Variants in RBM26 observed in about 807,000 individuals in gnomAD.
RBM26 encodes RNA binding motif protein 26.
Under a neutral mutation model 123.6 loss-of-function variants are expected in RBM26, and 30 were observed. The ratio of observed to expected loss-of-function variants is 0.24; its 90% CI spans 0.18 to 0.33. RBM26 has a LOEUF of 0.33. Among genes scored for constraint, RBM26 ranks in the 10% least tolerant of loss-of-function variants. The pLI is 1.00. For missense variants in RBM26, 947 were observed against 1,203.6 expected (o/e 0.79, Z 3.15); for synonymous variants, 400 against 404.4 (o/e 0.99, Z 0.13).
chr13:79,332,554 TA>T (rs1021143665), intron 20 of RBM26, among the ~76,000 whole-genome samples: 1 of 152,180 alleles, frequency 6.6e-6, no homozygotes, highest in Non-Finnish European at 1.5e-5. Context: ...CTTTTGTAAC[TA>T]AAAATCTAAA....
Position 79,368,806 on chromosome 13 carries a change from T to C in RBM26, c.819A>G (p.Glu273=), listed in dbSNP as rs2075592301. The change falls in exon 6 of 22, where the codon GAA becomes GAG. Residue 273 remains glutamate (E), a synonymous_variant. Coordinates refer to ENST00000438737, the MANE Select transcript of RBM26 (RefSeq NM_001366735.2). The part of the protein sequence containing the change: ...HGNNTTESWS[E]FHEDQVDHNS... ...TATGGTCCACTTGGTCTTCATGAAA[T>C]TCAGACCAACTTTCGGTAGTGTTGT... 2 of 1,613,990 alleles carry C rather than the reference T, an allele frequency of 1.2e-6. No individual in the cohort carries two copies. The highest frequency in any genetic ancestry group is 1.7e-6 in the Non-Finnish European group (2 of 1,179,892).
Position 79,359,626 on chromosome 13 carries a change from G to C in RBM26, c.1478C>G (p.Thr493Ser). 3 of 1,598,860 alleles carry C rather than the reference G, an allele frequency of 1.9e-6. No homozygotes were observed. Among genetic ancestry groups the C allele is most frequent in the Non-Finnish European group, 2.6e-6 (3 of 1,173,726 alleles). Residue 493 changes from threonine (T) to serine (S), a missense_variant, in exon 10 of 22, where the codon ACC becomes AGC. Thr to Ser is a moderately conservative substitution (Grantham distance 58, BLOSUM62 1). Around this residue, in one of 5 missense-constraint regions of RBM26, gnomAD observed 493 missense variants for 563.1 expected, o/e 0.88. Transcript: ENST00000438737. ...IVVDSESRKR[T>S]IGSGEPGVPT... ...AACTCCAGGCTCTCCAGAACCAATG[G>C]TTCTTTTCCTTGATTCTGAGTCCAC...
intron 1 of RBM26, among the ~76,000 whole-genome samples, chr13:79,402,729 A>G (rs1266611797): frequency 1.3e-5 from 2 of 152,196 alleles, no homozygotes; most frequent in African/African-American, 2.4e-5. Context: ...TTGCCCCAGC[A>G]AAGTATTCTT....
intron 20 of RBM26, among the ~76,000 whole-genome samples, chr13:79,328,554 C>T (rs1007993478): frequency 7.3e-5 from 11 of 150,540 alleles, no homozygotes; most frequent in Middle Eastern, 3.5e-3. Context: ...TGGTGAAAGC[C>T]TTTCAAACTA....
At chr13:79,385,833 T>G (rs961434897) in intron 1 of RBM26, among the ~76,000 whole-genome samples, 2 of 152,066 alleles carry the variant, frequency 1.3e-5, no homozygotes, top group Admixed American at 6.6e-5. Context: ...TCACCAGGAC[T>G]CTCTATTCTG....
Position 79,354,455 on chromosome 13 carries a change from G to A in RBM26, c.1970C>T (p.Ser657Phe), listed in dbSNP as rs142860727. ...TIEPAEAQSASSDLPQNVTKL... is the reference protein window; with the variant it reads ...TIEPAEAQSAFSDLPQNVTKL... ...TTGCTTTACCTGAGGAAGGTCTGAA[G>A]AGGCACTCTGGGCTTCTGCAGGTTC... The change falls in exon 13 of 22, where the codon TCT (serine) becomes TTT (phenylalanine). Residue 657 changes from serine to phenylalanine, a missense_variant. Transcript: ENST00000438737. 9.4e-6 allele frequency: 15 copies of A among 1,591,734 alleles called. No homozygotes were observed. The highest frequency in any genetic ancestry group is 2.3e-5 in the South Asian group (2 of 87,512).
intron 18 of RBM26, 73 bp from the exon 19 acceptor site, chr13:79,337,375 G>C: frequency 2.0e-6 from 3 of 1,527,080 alleles, no homozygotes; most frequent in Non-Finnish European, 1.8e-6. Context: ...CACTCTGGCA[G>C]ATGAATAAAA....
chr13:79,371,196 A>AT, intron 4 of RBM26, 34 bp from the exon 5 acceptor site: 1 of 1,525,664 alleles, frequency 6.6e-7, no homozygotes, highest in Non-Finnish European at 9.0e-7. Context: ...AATACAAATA[A>AT]TTTTTAAGTG....
At position 79,344,780 on chromosome 13, in the gene RBM26, A is replaced by C. The variant is rs761105341; in HGVS notation, c.2073T>G (p.Ser691=). The part of the protein sequence containing the change: ...VSATEKVLST[S]TGLTKTVYNP... Reference sequence around the variant, plus strand: ...TATACACTGTTTTTGTTAGGCCAGTAGATGTAGACAACACCTACCAATACA... The same window carrying C: ...TATACACTGTTTTTGTTAGGCCAGTCGATGTAGACAACACCTACCAATACA... Residue 691 remains serine (S), a synonymous_variant, in exon 15 of 22, where the codon TCT becomes TCG. Coordinates refer to ENST00000438737, the MANE Select transcript of RBM26 (RefSeq NM_001366735.2). The C allele has an allele frequency of 6.2e-7, 1 of 1,612,734 alleles. No individual in the cohort carries two copies. The highest frequency in any genetic ancestry group is 1.3e-5 in the African/African-American group (1 of 74,952).
chr13:79,360,586 A>C (rs751199352), intron 9 of RBM26, among the ~76,000 whole-genome samples: 7 of 152,122 alleles, frequency 4.6e-5, no homozygotes, highest in Non-Finnish European at 8.8e-5. Context: ...TAAAAGATTC[A>C]AAACTTTACA....
chr13:79,358,242 A>T, intron 11 of RBM26, 32 bp downstream of exon 11: 1 of 1,533,500 alleles, frequency 6.5e-7, no homozygotes, highest in Non-Finnish European at 8.8e-7. Flanking sequence ...AAACAGAAAG[A>T]AGAGATAACA....
chr13:79,405,661 T>C, intron 1 of RBM26, 43 bp downstream of exon 1: 1 of 1,417,982 alleles, frequency 7.1e-7, no homozygotes, highest in Non-Finnish European at 9.8e-7. Context: ...TCCGCCTATC[T>C]CCCACTGCCA....
At chr13:79,374,016 C>T (rs1204020598) in intron 3 of RBM26, among the ~76,000 whole-genome samples, 1 of 151,758 alleles carries the variant, frequency 6.6e-6, no homozygotes, top group Non-Finnish European at 1.5e-5. Flanking sequence ...CAGGAAATAT[C>T]GTGCAAGTGG....
At chr13:79,400,597 T>C (rs190912773) in intron 1 of RBM26, among the ~76,000 whole-genome samples, 55 of 151,736 alleles carry the variant, frequency 3.6e-4, no homozygotes, top group Non-Finnish European at 6.8e-4. Flanking sequence ...AAGTAAAAAA[T>C]GGATGAAGAA....
At chr13:79,398,448 C>A (rs1255025842) in intron 1 of RBM26, among the ~76,000 whole-genome samples, 2 of 151,966 alleles carry the variant, frequency 1.3e-5, no homozygotes, top group Non-Finnish European at 2.9e-5. Flanking sequence ...GATGGAAAGG[C>A]CAAATAAGAT....
Position 79,372,848 on chromosome 13 carries a change from A to T in RBM26, c.328-918T>A, listed in dbSNP as rs9565494. Among the ~76,000 whole-genome samples the T allele has an allele frequency of 3.7e-5, 3 of 82,076 alleles. 1 individual carries two copies. Among genetic ancestry groups the T allele is most frequent in the African/African-American group, 3.1e-4 (3 of 9,696 alleles). The allele number at this position is 82,076 out of a possible 152,430, so 53.8% of individuals were successfully genotyped here. On this transcript the variant is annotated intron_variant, in intron 3 of 21. Coordinates refer to ENST00000438737, the MANE Select transcript of RBM26 (RefSeq NM_001366735.2). ...AATATTTTATATAAATATATTATATATTATATAAATATAAATATATTTATA... is the reference window on the plus strand; with the variant it reads ...AATATTTTATATAAATATATTATATTTTATATAAATATAAATATATTTATA...
chr13:79,349,299 C>T (rs2072833402), intron 14 of RBM26, among the ~76,000 whole-genome samples: 1 of 152,110 alleles, frequency 6.6e-6, no homozygotes, highest in Admixed American at 6.6e-5. Context: ...TTTCTTCTAT[C>T]TAACTGAAGT....
downstream of RBM26, among the ~76,000 whole-genome samples, chr13:79,316,814 TTCCTC>T (rs1402841125): frequency 6.6e-6 from 1 of 151,680 alleles, no homozygotes; most frequent in Non-Finnish European, 1.5e-5. Flanking sequence ...ATACACAACG[TTCCTC>T]AATTTTTTCC....
At position 79,366,700 on chromosome 13, in the gene RBM26, T is replaced by C. The variant is rs1594374921; in HGVS notation, c.1068A>G (p.Pro356=). Residue 356 remains proline (P), a synonymous_variant, in exon 7 of 22, where the codon CCA becomes CCG. Coordinates refer to ENST00000438737, the MANE Select transcript of RBM26 (RefSeq NM_001366735.2). The part of the protein sequence containing the change: ...LPPPPPILTP[P]PVNLRPPVPP... ...GTACTGGGGGCCTGAGATTCACAGG[T>C]GGGGGTGTAAGAATTGGTGGAGGTG... is the stretch of plus-strand genomic sequence containing the variant. 1.3e-6 allele frequency: 2 copies of C among 1,563,444 alleles called. No individual in the cohort carries two copies. Among genetic ancestry groups the C allele is most frequent in the South Asian group, 1.2e-5 (1 of 86,010 alleles).
Sources: allele counts gnomAD v4.1 joint callset (sites outside exome capture counted in the v4.1 genomes callset), GRCh38; gene constraint gnomAD v4.1.1; regional missense constraint gnomAD v4.1.1; transcripts MANE v1.5; gene names NCBI Gene and HGNC (gene_info 2026-07-23, HGNC 2026-07-21).